ULK4: variants seen among roughly 807,000 people sequenced by gnomAD.
The protein encoded by ULK4 is inactive serine/threonine-protein kinase ULK4.
A neutral mutation model predicts 160.6 loss-of-function variants in ULK4; 133 were observed. The observed-to-expected ratio is 0.83, with a 90% confidence interval of 0.72 to 0.96. ULK4 has a LOEUF of 0.96. Among genes scored for constraint, ULK4 ranks in the 40% least tolerant of loss-of-function variants. The pLI is 0.00. For synonymous variants in ULK4, 534 were observed against 539.8 expected (o/e 0.99, Z 0.15); for missense variants, 1,580 against 1,499.5 (o/e 1.05, Z -0.89).
intron 35 of ULK4, among the ~76,000 whole-genome samples, chr3:41,328,759 G>A (rs1390094785): frequency 6.6e-6 from 1 of 152,126 alleles, no homozygotes; most frequent in Non-Finnish European, 1.5e-5. Flanking sequence ...GTAAGGGTGA[G>A]GCTGGCTCTG....
intron 18 of ULK4, among the ~76,000 whole-genome samples, chr3:41,829,428 A>G (rs1430389072): frequency 1.6e-4 from 22 of 141,900 alleles, no homozygotes; most frequent in Admixed American, 1.2e-3. Flanking sequence ...AGAATCTACA[A>G]TGAACTCAAA....
rs146465855 is a variant in ULK4, at chr3:41,865,906, G to A, written c.1656+17968C>T. 6.1e-3 allele frequency among the ~76,000 whole-genome samples: 920 copies of A among 151,608 alleles called. 11 individuals are homozygous for A. The highest frequency in any genetic ancestry group is 0.022 in the African/African-American group (893 of 41,342). ...ACTTAAGACAACAAAAGAACCATTC[G>A]TAAAAGAAAAAATTGGCAAGTTGGA... On this transcript the variant is annotated intron_variant, in intron 17 of 36. Coordinates refer to ENST00000301831, the MANE Select transcript of ULK4 (RefSeq NM_017886.4).
intron 17 of ULK4, among the ~76,000 whole-genome samples, chr3:41,847,031 G>A (rs1321075302): frequency 6.6e-6 from 1 of 152,060 alleles, no homozygotes; most frequent in Admixed American, 6.6e-5. Flanking sequence ...TGACTGGTTG[G>A]CTGAATACTG....
chr3:41,687,624 C>T (rs1257908868), intron 27 of ULK4, among the ~76,000 whole-genome samples: 1 of 152,132 alleles, frequency 6.6e-6, no homozygotes, highest in East Asian at 1.9e-4. Flanking sequence ...CCTGTGCCTT[C>T]CCATATAAGG....
chr3:41,523,461 T>C (rs2086004597), intron 32 of ULK4, among the ~76,000 whole-genome samples: 1 of 152,220 alleles, frequency 6.6e-6, no homozygotes, highest in Non-Finnish European at 1.5e-5. Flanking sequence ...ATGCACTTAA[T>C]GCCACAAAAT....
chr3:41,899,117 G>GA (rs1400048913), intron 13 of ULK4: 1 of 152,262 alleles, frequency 6.6e-6, no homozygotes, highest in Non-Finnish European at 1.5e-5. Flanking sequence ...TTATATCAGA[G>GA]AAGACACCAC....
At chr3:41,805,189 G>A (rs1378431776) in intron 19 of ULK4, among the ~76,000 whole-genome samples, 2 of 152,160 alleles carry the variant, frequency 1.3e-5, no homozygotes, top group Admixed American at 1.3e-4. Flanking sequence ...TCCTTGAAGA[G>A]GTCCTTCACG....
intron 32 of ULK4, among the ~76,000 whole-genome samples, chr3:41,464,865 A>G (rs2083787110): frequency 6.6e-6 from 1 of 152,192 alleles, no homozygotes; most frequent in Admixed American, 6.5e-5. Context: ...ACTTCAGAGT[A>G]AACAGTTAGT....
intron 27 of ULK4, among the ~76,000 whole-genome samples, chr3:41,704,295 G>A (rs1261948101): frequency 1.3e-5 from 2 of 152,088 alleles, no homozygotes; most frequent in Admixed American, 6.6e-5. Flanking sequence ...ATACCAAATC[G>A]CCAGTGCTTC....
chr3:41,708,320 A>C (rs1021997044), intron 25 of ULK4, among the ~76,000 whole-genome samples: 3 of 152,224 alleles, frequency 2.0e-5, no homozygotes, highest in Non-Finnish European at 4.4e-5. Flanking sequence ...GATTTTTTAA[A>C]TGTGGCAAAT....
Position 41,935,932 on chromosome 3 carries a change from A to T in ULK4, c.247T>A (p.Leu83Ile). 8.7e-6 allele frequency: 14 copies of T among 1,613,286 alleles called. No individual in the cohort carries two copies. Among genetic ancestry groups the T allele is most frequent in the Non-Finnish European group, 1.2e-5 (14 of 1,179,804 alleles). Residue 83 changes from leucine to isoleucine, a missense_variant, in exon 4 of 37, where the codon TTA becomes ATA. Coordinates refer to ENST00000301831, the MANE Select transcript of ULK4 (RefSeq NM_017886.4). ...LVVELCTGGS[L>I]KTVIAQDENL... is the part of the protein sequence containing the mutation. ...TCATCTTGAGCAATAACTGTTTTTA[A>T]GGAACCACCTGCAAGAGGTTGATTA... is the stretch of plus-strand genomic sequence containing the variant.
At chr3:41,803,851 T>C (rs2040550451) in intron 19 of ULK4, among the ~76,000 whole-genome samples, 1 of 152,254 alleles carries the variant, frequency 6.6e-6, no homozygotes, top group African/African-American at 2.4e-5. Context: ...TTCCATGCTG[T>C]ATATGTGCCA....
chr3:41,695,771 A>G (rs1575579589), intron 27 of ULK4, among the ~76,000 whole-genome samples: 2 of 152,184 alleles, frequency 1.3e-5, no homozygotes, highest in East Asian at 3.9e-4. Flanking sequence ...GTTATACTAG[A>G]TCTAGACCAT....
In ULK4 at chr3:41,737,192, A is replaced by C. The variant is rs2038084076; in HGVS notation, c.2321+17169T>G. ...CTCAGGATACAAAATCAATGTGCAAAAATCACAAGCATTCTTATACACCAA... is the reference window on the plus strand; with the variant it reads ...CTCAGGATACAAAATCAATGTGCAACAATCACAAGCATTCTTATACACCAA... On this transcript the variant is annotated intron_variant, in intron 22 of 36. Coordinates refer to ENST00000301831, the MANE Select transcript of ULK4 (RefSeq NM_017886.4). Among the ~76,000 whole-genome samples, 4 of 151,946 alleles carry C rather than the reference A, an allele frequency of 2.6e-5. No homozygotes were observed. In the South Asian group the frequency reaches 6.2e-4, roughly 24 times the overall value.
chr3:41,497,926 AC>A (rs564846608), intron 32 of ULK4, among the ~76,000 whole-genome samples: 62 of 152,286 alleles, frequency 4.1e-4, no homozygotes, highest in African/African-American at 1.5e-3. Flanking sequence ...AACTGATATA[AC>A]TAATTAGATA....
intron 31 of ULK4, among the ~76,000 whole-genome samples, chr3:41,605,510 G>A (rs2032334803): frequency 6.6e-6 from 1 of 151,808 alleles, no homozygotes; most frequent in Non-Finnish European, 1.5e-5. Context: ...GGGATAAAAA[G>A]GGTCATCTCA....
chr3:41,750,446 T>G (rs1209231659), intron 22 of ULK4, among the ~76,000 whole-genome samples: 1 of 152,184 alleles, frequency 6.6e-6, no homozygotes, highest in Non-Finnish European at 1.5e-5. Flanking sequence ...GCACTTGGCA[T>G]GTGAGATCTC....
intron 21 of ULK4, among the ~76,000 whole-genome samples, chr3:41,772,410 T>C (rs2039425316): frequency 6.6e-6 from 1 of 151,854 alleles, no homozygotes; most frequent in Non-Finnish European, 1.5e-5. Context: ...CCCACAGAAA[T>C]ACAAACTACC....
intron 31 of ULK4, among the ~76,000 whole-genome samples, chr3:41,571,802 TA>T (rs2087984743): frequency 1.3e-5 from 2 of 152,134 alleles, no homozygotes; most frequent in African/African-American, 4.8e-5. Flanking sequence ...TTGAAACATA[TA>T]TTTTTCCAAT....
Sources: allele counts gnomAD v4.1 joint callset (sites outside exome capture counted in the v4.1 genomes callset), GRCh38; gene constraint gnomAD v4.1.1; transcripts MANE v1.5; gene names NCBI Gene and HGNC (gene_info 2026-07-23, HGNC 2026-07-21).